The following FAR1 variants were observed in gnomAD, a reference collection of about 807,000 sequenced individuals.
FAR1 encodes the protein male sterility domain-containing protein 2.
FAR1 carries 22 observed loss-of-function variants against 61.1 expected under a neutral mutation model. The observed-to-expected ratio is 0.36, with a 90% CI of 0.26 to 0.51. The LOEUF is 0.51. Among genes scored for constraint, FAR1 ranks in the 20% least tolerant of loss-of-function variants. The probability of loss-of-function intolerance (pLI) is 0.95; values close to 1 mark genes in which losing one functional copy is unlikely to be tolerated. For synonymous variants in FAR1, 206 were observed against 209.7 expected, an observed-to-expected ratio of 0.98 and a Z score of 0.15; for missense variants, 359 against 626.9, an observed-to-expected ratio of 0.57 and a Z score of 4.56.
chr11:13,699,305 G>C (rs1424201455), intron 2 of FAR1, among the ~76,000 whole-genome samples: 5 of 152,238 alleles, frequency 3.3e-5, no homozygotes, highest in Admixed American at 1.3e-4. Flanking sequence ...GAATCTAGAA[G>C]GTGCCTGCCT....
intron 1 of FAR1, among the ~76,000 whole-genome samples, chr11:13,678,066 C>T (rs1485695849): frequency 6.6e-6 from 1 of 152,212 alleles, no homozygotes; most frequent in East Asian, 1.9e-4. Flanking sequence ...AAGTGCCCCT[C>T]TTGAAAGTTA....
Position 13,708,447 on chromosome 11 carries a change from G to GCGCGCACACA in FAR1, c.545+369_545+370insGCGCACACAC, listed in dbSNP as rs139902063. On this transcript the variant is annotated intron_variant, in intron 4 of 11. Coordinates refer to ENST00000354817, the MANE Select transcript of FAR1 (RefSeq NM_032228.6). ...CCCATATACATGTGCGCGCGCGCGC[G>GCGCGCACACA]CACACACACACACACACACACACAC... 9.1e-3 allele frequency among the ~76,000 whole-genome samples: 1,238 copies of GCGCGCACACA among 136,660 alleles called. 12 individuals carry two copies. The highest frequency in any genetic ancestry group is 0.012 in the Non-Finnish European group (760 of 63,826). The allele number at this position is 136,660 out of a possible 152,430, so 89.7% of individuals were successfully genotyped here. A position where few individuals can be genotyped will look rare whatever the true frequency, so the allele number is the denominator to read the frequency against.
intron 9 of FAR1, among the ~76,000 whole-genome samples, chr11:13,719,530 G>T (rs565416252): frequency 6.6e-6 from 1 of 152,108 alleles, no homozygotes; most frequent in Admixed American, 6.5e-5. Flanking sequence ...TAATAATTCT[G>T]AATGTGAGCT....
In FAR1 at chr11:13,714,581, C is replaced by T. The variant is rs757789159; in HGVS notation, c.1028C>T (p.Thr343Ile). 1.9e-6 allele frequency: 3 copies of T among 1,613,530 alleles called. No homozygotes were observed. The highest frequency in any genetic ancestry group is 1.1e-5 in the South Asian group (1 of 91,058). Reference protein sequence around the residue: ...QAFRRPNVNLTSNHLLYHYWI... With the variant: ...QAFRRPNVNLISNHLLYHYWI... ...TTCAGACGGCCCAATGTAAATCTAA[C>T]CTCCAATCATCTTTTATATCATTAC... The change falls in exon 9 of 12, where the codon ACC (threonine) becomes ATC (isoleucine). Residue 343 changes from threonine to isoleucine, a missense_variant. Thr to Ile is a moderately conservative substitution (Grantham distance 89, BLOSUM62 -1). This residue lies in a region of FAR1 where 344 missense variants were observed against 570.3 expected (regional missense o/e 0.60). Coordinates refer to ENST00000354817, the MANE Select transcript of FAR1 (RefSeq NM_032228.6).
chr11:13,710,842 T>C lies in FAR1; in HGVS notation c.695T>C (p.Val232Ala), dbSNP rs1455344450. The C allele has an allele frequency of 1.9e-6, 3 of 1,610,384 alleles. No homozygotes were observed. Among genetic ancestry groups the C allele is most frequent in the Non-Finnish European group, 2.5e-6 (3 of 1,178,986 alleles). ...LNVAIVRPSI[V>A]GASWKEPFPG... ...GTGGCAATTGTAAGGCCATCGATTG[T>C]TGGTGCCAGTTGGAAAGAACCTTTT... Residue 232 changes from valine to alanine, a missense_variant, in exon 5 of 12, where the codon GTT (valine) becomes GCT (alanine). Around this residue, in one of 2 missense-constraint regions of FAR1, gnomAD observed 344 missense variants for 570.3 expected, o/e 0.60. Coordinates refer to ENST00000354817, the MANE Select transcript of FAR1 (RefSeq NM_032228.6).
intron 9 of FAR1, among the ~76,000 whole-genome samples, chr11:13,718,867 T>G (rs1848580603): frequency 6.6e-6 from 1 of 152,082 alleles, no homozygotes; most frequent in Admixed American, 6.6e-5. Context: ...TGGGCATCTC[T>G]CTCTCTCCAG....
chr11:13,712,003 G>A lies in FAR1; in HGVS notation c.844G>A (p.Val282Ile), dbSNP rs142127632. ...AGATCTTGTTCCTGTAGATGTAGTT[G>A]TCAACATGAGTCTTGCGGCAGCCTG... ...LADLVPVDVV[V>I]NMSLAAAWYS... The change falls in exon 7 of 12, where the codon GTC becomes ATC. Residue 282 changes from valine (V) to isoleucine (I), a missense_variant. Coordinates refer to ENST00000354817, the MANE Select transcript of FAR1 (RefSeq NM_032228.6). The A allele has an allele frequency of 5.7e-5, 92 of 1,613,232 alleles. No homozygotes were observed. Among genetic ancestry groups the A allele is most frequent in the Middle Eastern group, 3.3e-4 (2 of 6,072 alleles).
chr11:13,698,081 C>G (rs1160865083), intron 2 of FAR1, among the ~76,000 whole-genome samples: 2 of 152,118 alleles, frequency 1.3e-5, no homozygotes, highest in Non-Finnish European at 2.9e-5. Flanking sequence ...CAGCTCTCTC[C>G]CTGAACTTAG....
At chr11:13,709,151 A>G (rs189316173) in intron 4 of FAR1, among the ~76,000 whole-genome samples, 1 of 152,150 alleles carries the variant, frequency 6.6e-6, no homozygotes, top group East Asian at 1.9e-4. Flanking sequence ...CAGAGATTCT[A>G]TCCACTTTGA....
intron 2 of FAR1, among the ~76,000 whole-genome samples, chr11:13,696,273 C>T (rs945294595): frequency 6.6e-6 from 1 of 152,034 alleles, no homozygotes; most frequent in South Asian, 2.1e-4. Flanking sequence ...ATTTATTGTG[C>T]CTGCTTAGTC....
chr11:13,694,674 A>G, intron 1 of FAR1, 85 bp from the exon 2 acceptor site: 4 of 1,184,366 alleles, frequency 3.4e-6, no homozygotes, highest in Non-Finnish European at 4.7e-6. Flanking sequence ...TTTTTAAAAT[A>G]CTTATTTGAA....
chr11:13,723,478 C>A (rs1848636448), intron 10 of FAR1: 2 of 347,816 alleles, frequency 5.8e-6, no homozygotes, highest in Non-Finnish European at 5.5e-6. Context: ...ATATGTTATT[C>A]CTGGCTCGTC....
intron 1 of FAR1, among the ~76,000 whole-genome samples, chr11:13,678,833 T>C (rs1189288378): frequency 6.6e-6 from 1 of 152,164 alleles, no homozygotes; most frequent in Non-Finnish European, 1.5e-5. Flanking sequence ...TTACCACAAA[T>C]GCTGCCTTGG....
intron 3 of FAR1, among the ~76,000 whole-genome samples, chr11:13,700,784 A>G (rs2134184352): frequency 6.6e-6 from 1 of 152,240 alleles, no homozygotes; most frequent in South Asian, 2.1e-4. Flanking sequence ...AACAACTAAT[A>G]GTGTTTGTCT....
chr11:13,689,459 A>G (rs993563093), intron 1 of FAR1, among the ~76,000 whole-genome samples: 5 of 152,142 alleles, frequency 3.3e-5, no homozygotes, highest in African/African-American at 7.2e-5. Flanking sequence ...ATCCCTCCAC[A>G]TGTGTTTTAG....
At chr11:13,672,388 C>CAAA (rs34030723) in intron 1 of FAR1, among the ~76,000 whole-genome samples, 31 of 128,866 alleles carry the variant, frequency 2.4e-4, no homozygotes, top group African/African-American at 3.2e-4. Context: ...CTTTTCTATC[C>CAAA]AAAAAAAAAA....
At chr11:13,717,161 C>T (rs1464107567) in intron 9 of FAR1, among the ~76,000 whole-genome samples, 1 of 151,896 alleles carries the variant, frequency 6.6e-6, no homozygotes, top group Non-Finnish European at 1.5e-5. Context: ...CCTCGCGCCT[C>T]CCCATCCCCA....
At position 13,730,084 on chromosome 11, in the gene FAR1, C is replaced by T. The variant is rs532067850; in HGVS notation, c.*1310C>T. On this transcript the variant is annotated 3_prime_UTR_variant, in exon 12 of 12. Coordinates refer to ENST00000354817, the MANE Select transcript of FAR1 (RefSeq NM_032228.6). ...TAACTCTACTTACTGTTTTAACATA[C>T]ATTTGATTTAACAAATTGTTCAGCA... The T allele has an allele frequency of 1.3e-4, 20 of 152,480 alleles. No individual in the cohort carries two copies. Among genetic ancestry groups the T allele is most frequent in the Admixed American group, 5.2e-4 (8 of 15,258 alleles). 9.4% of individuals were successfully genotyped at this position (152,480 alleles called of 1,614,324 possible).
intron 1 of FAR1, among the ~76,000 whole-genome samples, chr11:13,686,229 T>C (rs886253685): frequency 2.6e-5 from 4 of 152,180 alleles, no homozygotes; most frequent in African/African-American, 9.7e-5. Flanking sequence ...TTGTGCTAAA[T>C]AAATTTTTCT....
Sources: gnomAD v4.1 joint callset for allele counts (sites outside exome capture counted in the v4.1 genomes callset) on GRCh38, gnomAD v4.1.1 for gene constraint, gnomAD v4.1.1 regional missense constraint, MANE v1.5 for transcripts, NCBI Gene and HGNC (gene_info 2026-07-23, HGNC 2026-07-21) for gene names.